The following CCDC33 variants were observed in gnomAD, a reference collection of about 807,000 sequenced individuals.
CCDC33 encodes coiled-coil domain-containing protein 33.
In CCDC33, 94 loss-of-function variants were observed where a neutral mutation model predicts 91.9. The observed-to-expected ratio is 1.02, with a 90% CI of 0.87 to 1.21. CCDC33 has a LOEUF of 1.21. Among genes scored for constraint, CCDC33 ranks in the 50% most tolerant of loss-of-function variants. The pLI is 0.00. For synonymous variants in CCDC33, 396 were observed against 374.5 expected (o/e 1.06, Z -0.66); for missense variants, 940 against 935.5 (o/e 1.00, Z -0.06).
intron 11 of CCDC33, among the ~76,000 whole-genome samples, chr15:74,308,350 G>GACGGACACACACAC (rs2059929296): frequency 6.8e-6 from 1 of 146,446 alleles, no homozygotes; most frequent in South Asian, 2.2e-4. Context: ...CATGTGTGCA[G>GACGGACACACACAC]ACAGACAGAC....
chr15:74,250,092 A>G (rs1595941820), intron 2 of CCDC33, among the ~76,000 whole-genome samples: 1 of 151,886 alleles, frequency 6.6e-6, no homozygotes, highest in Admixed American at 6.6e-5. Context: ...CCAATCCATC[A>G]CCAAGTCATG....
intron 7 of CCDC33, among the ~76,000 whole-genome samples, chr15:74,276,940 T>G (rs1416392231): frequency 2.0e-5 from 3 of 152,024 alleles, no homozygotes; most frequent in African/African-American, 7.2e-5. Flanking sequence ...CTCTACATGT[T>G]TGTGTGTGTG....
chr15:74,261,773 C>A (rs1232266928), intron 2 of CCDC33, among the ~76,000 whole-genome samples: 2 of 152,172 alleles, frequency 1.3e-5, no homozygotes, highest in Non-Finnish European at 2.9e-5. Flanking sequence ...ACAGCCTGGT[C>A]CTGAACAATC....
At position 74,262,563 on chromosome 15, in the gene CCDC33, A is replaced by C; in HGVS notation, c.309A>C (p.Ala103=). 1.9e-6 allele frequency: 3 copies of C among 1,612,888 alleles called. No homozygotes were observed. The highest frequency in any genetic ancestry group is 1.7e-5 in the Admixed American group (1 of 59,862). Residue 103 remains alanine, a synonymous_variant, in exon 3 of 19, where the codon GCA becomes GCC. Transcript: ENST00000398814. ...TVNVEIQAED[A]GQEDVILKVV... is the part of the protein sequence containing the mutation. ...ATGTGGAGATCCAAGCTGAGGATGC[A>C]GGGCAAGAAGGTAAGCAGGGGCTGG...
intron 2 of CCDC33, among the ~76,000 whole-genome samples, chr15:74,223,466 CA>C (rs2074673197): frequency 6.6e-6 from 1 of 152,144 alleles, no homozygotes; most frequent in South Asian, 2.1e-4. Flanking sequence ...CTCCTCCTTG[CA>C]AATGAGGCAG....
intron 1 of CCDC33, among the ~76,000 whole-genome samples, chr15:74,206,271 G>T (rs535353106): frequency 2.7e-4 from 41 of 152,328 alleles, no homozygotes; most frequent in African/African-American, 9.4e-4. Context: ...GGCAGGCTGG[G>T]TTGAAGATCC....
At chr15:74,204,251 C>T (rs1221537344) in intron 1 of CCDC33, among the ~76,000 whole-genome samples, 1 of 152,228 alleles carries the variant, frequency 6.6e-6, no homozygotes, top group Non-Finnish European at 1.5e-5. Context: ...TGTGAGCTCC[C>T]GGAGGGCGGG....
At chr15:74,224,705 T>G (rs1228174550) in intron 2 of CCDC33, among the ~76,000 whole-genome samples, 1 of 152,204 alleles carries the variant, frequency 6.6e-6, no homozygotes, top group Non-Finnish European at 1.5e-5. Context: ...GAGAGCAATT[T>G]CTGTGCCCTT....
intron 7 of CCDC33, 110 bp from the exon 8 acceptor site, chr15:74,279,853 T>G: frequency 6.9e-7 from 1 of 1,452,678 alleles, no homozygotes; most frequent in East Asian, 2.3e-5. Context: ...CTTTTATAGT[T>G]GGGAGAAACA....
Position 74,331,116 on chromosome 15 carries a change from G to T in CCDC33, c.1677+4G>T, listed in dbSNP as rs376802246. On this transcript the variant is annotated splice_donor_region_variant and intron_variant, in intron 14 of 18. Transcript: ENST00000398814. ...GACTGTGCGGCACCAAGAGAAGGCA[G>T]GTGGCAGAGGGGCTGCCCCCGAGGC... 3 of 1,613,254 alleles carry T rather than the reference G, an allele frequency of 1.9e-6. No homozygotes were observed. The highest frequency in any genetic ancestry group is 2.5e-6 in the Non-Finnish European group (3 of 1,179,520).
At chr15:74,222,857 C>A (rs977575935) in intron 2 of CCDC33, among the ~76,000 whole-genome samples, 1 of 150,124 alleles carries the variant, frequency 6.7e-6, no homozygotes, top group Non-Finnish European at 1.5e-5. Context: ...CAGGCCGGCG[C>A]TCTCCCAGCC....
At chr15:74,281,740 T>C in intron 9 of CCDC33, 38 bp from the exon 10 acceptor site, 1 of 1,581,072 alleles carries the variant, frequency 6.3e-7, no homozygotes, top group Non-Finnish European at 8.7e-7. Flanking sequence ...GAAGCTGCCC[T>C]GGCCAGCATG....
At chr15:74,261,184 A>G (rs578182186) in intron 2 of CCDC33, among the ~76,000 whole-genome samples, 1 of 152,286 alleles carries the variant, frequency 6.6e-6, no homozygotes, top group Non-Finnish European at 1.5e-5. Context: ...GAACTTGGAG[A>G]TGGAACTCCT....
intron 1 of CCDC33, among the ~76,000 whole-genome samples, chr15:74,239,449 G>T (rs1001128244): frequency 6.6e-6 from 1 of 152,184 alleles, no homozygotes; most frequent in Non-Finnish European, 1.5e-5. Flanking sequence ...TGCAACATCT[G>T]CTGGCTAATC....
At chr15:74,280,113 C>T (rs1263479773) in intron 8 of CCDC33, 21 bp downstream of exon 8, 8 of 1,613,240 alleles carry the variant, frequency 5.0e-6, no homozygotes, top group South Asian at 3.3e-5. Flanking sequence ...CCTGGTGCCT[C>T]GCCAGGGCAG....
intron 11 of CCDC33, among the ~76,000 whole-genome samples, chr15:74,312,186 A>T (rs2060004943): frequency 2.0e-5 from 3 of 152,156 alleles, no homozygotes; most frequent in Admixed American, 2.0e-4. Context: ...CCCTTGTTCC[A>T]AAGTCCCTTT....
intron 10 of CCDC33, among the ~76,000 whole-genome samples, chr15:74,285,285 G>A (rs1044567335): frequency 7.2e-5 from 11 of 152,154 alleles, no homozygotes; most frequent in Admixed American, 3.3e-4. Context: ...CCCCACACCC[G>A]CCACTACCAC....
chr15:74,318,684 T>C, intron 11 of CCDC33: 1 of 755,148 alleles, frequency 1.3e-6, no homozygotes, highest in East Asian at 2.6e-5. Flanking sequence ...GCCCACTGGT[T>C]CTGGGAAGAT....
intron 11 of CCDC33, among the ~76,000 whole-genome samples, chr15:74,321,644 G>C (rs1293084065): frequency 1.3e-5 from 2 of 151,890 alleles, no homozygotes; most frequent in South Asian, 4.2e-4. Flanking sequence ...TGAGTGATCC[G>C]CCCCCCTCGG....
Sources: allele counts gnomAD v4.1 joint callset (sites outside exome capture counted in the v4.1 genomes callset), GRCh38; gene constraint gnomAD v4.1.1; transcripts MANE v1.5; gene names NCBI Gene and HGNC (gene_info 2026-07-23, HGNC 2026-07-21).